PANX2: variants seen among roughly 807,000 people sequenced by gnomAD.
PANX2 encodes the protein pannexin 2.
Under a neutral mutation model 38.7 loss-of-function variants are expected in PANX2, and 30 were observed. That is an observed-to-expected ratio of 0.78 (90% CI 0.58 to 1.05). The LOEUF (loss-of-function observed/expected upper bound fraction) is 1.05. Among genes scored for constraint, PANX2 ranks in the 50% least tolerant of loss-of-function variants. The pLI is 0.00. For synonymous variants in PANX2, 539 were observed against 472.1 expected, an observed-to-expected ratio of 1.14 and a Z score of -1.84; for missense variants, 880 against 979.3, an observed-to-expected ratio of 0.90 and a Z score of 1.35.
chr22:50,178,493 C>A, intron 2 of PANX2, 91 bp downstream of exon 2: 4 of 828,670 alleles, frequency 4.8e-6, no homozygotes, highest in Non-Finnish European at 7.0e-6. Flanking sequence ...GGCCAGGGCG[C>A]TAGGGAAGGG....
Position 50,178,061 on chromosome 22 carries a change from T to G in PANX2, c.1349T>G (p.Met450Arg). The G allele has an allele frequency of 6.4e-7, 1 of 1,554,738 alleles. No homozygotes were observed. Among genetic ancestry groups the G allele is most frequent in the African/African-American group, 1.4e-5 (1 of 73,524 alleles). Reference protein sequence around the residue: ...PQPFKEPLAIMRVENSKAEKP... With the variant: ...PQPFKEPLAIRRVENSKAEKP... ...CCCTTCAAGGAGCCGCTGGCCATCA[T>G]GCGCGTGGAGAACAGCAAGGCGGAG... Residue 450 changes from methionine (M) to arginine (R), a missense_variant, in exon 2 of 3, where the codon ATG (methionine) becomes AGG (arginine). This residue lies in a region of PANX2 where 445 missense variants were observed against 404.3 expected (regional missense o/e 1.10). Transcript: ENST00000395842.
chr22:50,179,301 G>T lies in PANX2; in HGVS notation c.*24G>T. On this transcript the variant is annotated 3_prime_UTR_variant, in exon 3 of 3. Coordinates refer to ENST00000395842, the MANE Select transcript of PANX2 (RefSeq NM_052839.4). ...GAGGGATGGCACCGTCCAGGCCGCC[G>T]AGAGCCCCTCTGCCTGTGTCGTGTG... is the stretch of plus-strand genomic sequence containing the variant. 1 of 1,593,302 alleles carries T rather than the reference G, an allele frequency of 6.3e-7. No homozygotes were observed. The highest frequency in any genetic ancestry group is 8.6e-7 in the Non-Finnish European group (1 of 1,166,646).
Position 50,177,165 on chromosome 22 carries a change from C to T in PANX2, c.453C>T (p.Thr151=). ...GWEFLASTRL[T]SELNFLLQEI... is the part of the protein sequence containing the mutation. ...AGTTCCTGGCCTCCACGCGCCTCAC[C>T]TCCGAGCTCAACTTCCTGCTGCAGG... The change falls in exon 2 of 3, where the codon ACC becomes ACT. Residue 151 remains threonine, a synonymous_variant. Coordinates refer to ENST00000395842, the MANE Select transcript of PANX2 (RefSeq NM_052839.4). 6.2e-7 allele frequency: 1 copy of T among 1,608,888 alleles called. No homozygotes were observed. The highest frequency in any genetic ancestry group is 8.5e-7 in the Non-Finnish European group (1 of 1,177,776).
chr22:50,171,854 G>A (rs1046041875), intron 1 of PANX2, among the ~76,000 whole-genome samples: 5 of 145,868 alleles, frequency 3.4e-5, no homozygotes, highest in African/African-American at 1.2e-4. Flanking sequence ...TGGGACCCTG[G>A]GGCCCTCTCT....
At chr22:50,175,367 G>T (rs886274445) in intron 1 of PANX2, 6 of 835,848 alleles carry the variant, frequency 7.2e-6, no homozygotes, top group Non-Finnish European at 1.0e-5. Flanking sequence ...GCCCAGCAAG[G>T]GTGGCTGCCA....
chr22:50,174,566 T>C (rs2063652210), intron 1 of PANX2, among the ~76,000 whole-genome samples: 1 of 151,716 alleles, frequency 6.6e-6, no homozygotes, highest in Non-Finnish European at 1.5e-5. Context: ...GGGGCATAGC[T>C]GGCATGGCCA....
Position 50,178,329 on chromosome 22 carries a change from C to T in PANX2, c.1617C>T (p.Ser539=). Residue 539 remains serine (S), a synonymous_variant, in exon 2 of 3, where the codon TCC becomes TCT. Transcript: ENST00000395842. ...CGGTGCCCGCCGCCCTGCCCGCCTC[C>T]CGGAGCCAGGAGGGGGGCTTCCTGT... is the stretch of plus-strand genomic sequence containing the variant. ...AEAVPAALPA[S]RSQEGGFLSQ... is the part of the protein sequence containing the mutation. 2.0e-6 allele frequency: 3 copies of T among 1,506,794 alleles called. No individual in the cohort carries two copies. Among genetic ancestry groups the T allele is most frequent in the Non-Finnish European group, 2.6e-6 (3 of 1,134,926 alleles). The allele number at this position is 1,506,794 out of a possible 1,614,324, so 93.3% of individuals were successfully genotyped here.
At chr22:50,173,363 G>A (rs867590871) in intron 1 of PANX2, among the ~76,000 whole-genome samples, 6 of 152,242 alleles carry the variant, frequency 3.9e-5, no homozygotes, top group African/African-American at 7.2e-5. Flanking sequence ...GAAAGGAAGC[G>A]AGCGCTCTGC....
In PANX2 at chr22:50,178,335, C is replaced by A; in HGVS notation, c.1623C>A (p.Ser541Arg). Residue 541 changes from serine (S) to arginine (R), a missense_variant, in exon 2 of 3, where the codon AGC (serine) becomes AGA (arginine). Ser to Arg is a moderately radical substitution (Grantham distance 110, BLOSUM62 -1). This residue lies in a region of PANX2 where 445 missense variants were observed against 404.3 expected (regional missense o/e 1.10). Transcript: ENST00000395842. ...AVPAALPASRSQEGGFLSQAE... is the reference protein window; with the variant it reads ...AVPAALPASRRQEGGFLSQAE... Reference sequence around the variant, plus strand: ...CCGCCGCCCTGCCCGCCTCCCGGAGCCAGGAGGGGGGCTTCCTGTCCCAGG... The same window carrying A: ...CCGCCGCCCTGCCCGCCTCCCGGAGACAGGAGGGGGGCTTCCTGTCCCAGG... 1 of 1,500,978 alleles carries A rather than the reference C, an allele frequency of 6.7e-7. No homozygotes were observed. Among genetic ancestry groups the A allele is most frequent in the Non-Finnish European group, 8.8e-7 (1 of 1,132,830 alleles). The allele number at this position is 1,500,978 out of a possible 1,614,324, so 93.0% of individuals were successfully genotyped here. A position where few individuals can be genotyped will look rare whatever the true frequency, so the allele number is the denominator to read the frequency against.
Position 50,179,017 on chromosome 22 carries a change from C to G in PANX2, c.1774C>G (p.Arg592Gly), listed in dbSNP as rs777308206. ...GLPSGGPFHV[R>G]SPPAAPAVAP... ...TCCCTCGGGGGGCCCGTTCCACGTCCGCTCACCTCCCGCCGCCCCTGCTGT... is the reference window on the plus strand; with the variant it reads ...TCCCTCGGGGGGCCCGTTCCACGTCGGCTCACCTCCCGCCGCCCCTGCTGT... The change falls in exon 3 of 3, where the codon CGC becomes GGC. Residue 592 changes from arginine (R) to glycine (G), a missense_variant. By Grantham distance (125) the Arg-to-Gly change is moderately radical. Coordinates refer to ENST00000395842, the MANE Select transcript of PANX2 (RefSeq NM_052839.4). 1.2e-6 allele frequency: 2 copies of G among 1,610,564 alleles called. No individual in the cohort carries two copies. The highest frequency in any genetic ancestry group is 4.5e-5 in the East Asian group (2 of 44,814).
At position 50,178,304 on chromosome 22, in the gene PANX2, CGGTG is replaced by C; in HGVS notation, c.1593_1596del (p.Val532ProfsTer23). On this transcript the variant is annotated frameshift_variant, in exon 2 of 3. Transcript: ENST00000395842. LOFTEE classifies it high-confidence loss of function. ...GGCACCAAGAAGGCCAAGGCCGAGG[CGGTG>C]CCCGCCGCCCTGCCCGCCTCCCGGA... is the stretch of plus-strand genomic sequence containing the variant. 6.6e-7 allele frequency: 1 copy of C among 1,521,412 alleles called. No homozygotes were observed. Among genetic ancestry groups the C allele is most frequent in the Non-Finnish European group, 8.8e-7 (1 of 1,140,456 alleles). 94.2% of individuals were successfully genotyped at this position (1,521,412 alleles called of 1,614,324 possible).
At chr22:50,175,698 CCT>C (rs894474839) in intron 1 of PANX2, among the ~76,000 whole-genome samples, 1 of 152,174 alleles carries the variant, frequency 6.6e-6, no homozygotes, top group Non-Finnish European at 1.5e-5. Context: ...GGGAACCCTC[CCT>C]GAGCAGGCTG....
Position 50,178,271 on chromosome 22 carries a change from A to T in PANX2, c.1559A>T (p.Tyr520Phe). 6.5e-7 allele frequency: 1 copy of T among 1,529,682 alleles called. No homozygotes were observed. The highest frequency in any genetic ancestry group is 8.7e-7 in the Non-Finnish European group (1 of 1,144,466). 94.8% of individuals were successfully genotyped at this position (1,529,682 alleles called of 1,614,324 possible). Residue 520 changes from tyrosine to phenylalanine, a missense_variant, in exon 2 of 3, where the codon TAC becomes TTC. Physicochemically the swap from Tyr to Phe is conservative, Grantham distance 22. Transcript: ENST00000395842. ...ARHFSLDVHP[Y>F]ILGTKKAKAE... Reference sequence around the variant, plus strand: ...CACTTCTCCCTGGACGTGCACCCCTACATCCTCGGCACCAAGAAGGCCAAG... The same window carrying T: ...CACTTCTCCCTGGACGTGCACCCCTTCATCCTCGGCACCAAGAAGGCCAAG...
chr22:50,173,514 A>G (rs6010199), intron 1 of PANX2, among the ~76,000 whole-genome samples: 31 of 152,392 alleles, frequency 2.0e-4, no homozygotes, highest in African/African-American at 7.0e-4. Flanking sequence ...CTCAGGATGC[A>G]GTACCCTCGA....
rs1172414124 is a variant in PANX2 at position 50,177,598 on chromosome 22, G to A, written c.886G>A (p.Val296Met). 13 of 1,612,830 alleles carry A rather than the reference G, an allele frequency of 8.1e-6. No individual in the cohort carries two copies. Among genetic ancestry groups the A allele is most frequent in the Admixed American group, 1.7e-5 (1 of 60,032 alleles). Residue 296 changes from valine (V) to methionine (M), a missense_variant, in exon 2 of 3, where the codon GTG (valine) becomes ATG (methionine). By Grantham distance (21) the Val-to-Met change is conservative. This residue lies in a region of PANX2 where 114 missense variants were observed against 108.8 expected (regional missense o/e 1.05). Transcript: ENST00000395842. ...GCGCATCATCGCGGGCGTGGACATCGTGCTGCTGTGCGTCATGAACCTCAT... is the reference window on the plus strand; with the variant it reads ...GCGCATCATCGCGGGCGTGGACATCATGCTGCTGTGCGTCATGAACCTCAT... ...LQRIIAGVDI[V>M]LLCVMNLIIL...
chr22:50,179,471 G>C lies in PANX2; in HGVS notation c.*194G>C, dbSNP rs1003241054. ...CAGGGGAACCCGCCCGGACGGCATC[G>C]CCAGGCACTGGCTGGGGTGGGGAAA... On this transcript the variant is annotated 3_prime_UTR_variant, in exon 3 of 3. Coordinates refer to ENST00000395842, the MANE Select transcript of PANX2 (RefSeq NM_052839.4). 6.9e-6 allele frequency: 4 copies of C among 576,142 alleles called. No individual in the cohort carries two copies. Among genetic ancestry groups the C allele is most frequent in the Non-Finnish European group, 1.2e-5 (4 of 330,196 alleles). The allele number at this position is 576,142 out of a possible 1,614,324, so 35.7% of individuals were successfully genotyped here. A position where few individuals can be genotyped will look rare whatever the true frequency, so the allele number is the denominator to read the frequency against.
At chr22:50,173,122 T>A (rs2063642788) in intron 1 of PANX2, among the ~76,000 whole-genome samples, 1 of 151,968 alleles carries the variant, frequency 6.6e-6, no homozygotes, top group South Asian at 2.1e-4. Context: ...GGTCTCGATC[T>A]CCTGACCTCG....
In PANX2 at chr22:50,179,848, CATTTT is replaced by C. The variant is rs2063689734; in HGVS notation, c.*578_*582del. On this transcript the variant is annotated 3_prime_UTR_variant, in exon 3 of 3. Coordinates refer to ENST00000395842, the MANE Select transcript of PANX2 (RefSeq NM_052839.4). ...CACTTTCTCCTTGTCGCCTGACAGA[CATTTT>C]ATTTTACTAAGACTGCTGTACCGAA... The C allele has an allele frequency of 6.3e-6, 1 of 157,674 alleles. No homozygotes were observed. Among genetic ancestry groups the C allele is most frequent in the African/African-American group, 2.4e-5 (1 of 41,504 alleles). The allele number at this position is 157,674 out of a possible 1,614,324, so 9.8% of individuals were successfully genotyped here.
At chr22:50,172,865 A>G (rs1165608238) in intron 1 of PANX2, among the ~76,000 whole-genome samples, 1 of 146,164 alleles carries the variant, frequency 6.8e-6, no homozygotes, top group African/African-American at 2.5e-5. Context: ...AGTAGCTGGG[A>G]CTACAGGCAC....
Sources: allele counts gnomAD v4.1 joint callset (sites outside exome capture counted in the v4.1 genomes callset), GRCh38; gene constraint gnomAD v4.1.1; regional missense constraint gnomAD v4.1.1; transcripts MANE v1.5; gene names NCBI Gene and HGNC (gene_info 2026-07-23, HGNC 2026-07-21).